The following PRKCB variants were observed in gnomAD, a reference collection of about 807,000 sequenced individuals.
The protein encoded by PRKCB is protein kinase C beta.
A neutral mutation model predicts 81.5 loss-of-function variants in PRKCB; 13 were observed. The observed-to-expected ratio is 0.16, with a 90% CI of 0.10 to 0.25. The LOEUF is 0.25. PRKCB is among the 10% of genes least tolerant of loss of function. The pLI is 1.00. For missense variants in PRKCB, 509 were observed against 875.7 expected (o/e 0.58, Z 5.29); for synonymous variants, 335 against 321.4 (o/e 1.04, Z -0.45).
chr16:24,068,101 G>A (rs1004526257), intron 5 of PRKCB, among the ~76,000 whole-genome samples: 4 of 152,132 alleles, frequency 2.6e-5, no homozygotes, highest in East Asian at 1.9e-4. Context: ...CTCCTATGGT[G>A]TAGAGGTTTC....
chr16:24,116,433 A>G (rs1245566712), intron 8 of PRKCB, among the ~76,000 whole-genome samples: 1 of 152,124 alleles, frequency 6.6e-6, no homozygotes, highest in Admixed American at 6.5e-5. Flanking sequence ...AAAAAGAAAT[A>G]GCACTTACGT....
intron 2 of PRKCB, among the ~76,000 whole-genome samples, chr16:23,984,619 A>AACGAGAGACT (rs1964777890): frequency 6.6e-6 from 1 of 152,238 alleles, no homozygotes; most frequent in Admixed American, 6.5e-5. Context: ...GAAAAAAAAT[A>AACGAGAGACT]ACGAGAGACT....
intron 2 of PRKCB, among the ~76,000 whole-genome samples, chr16:23,941,433 A>C (rs1964139525): frequency 6.6e-6 from 1 of 152,202 alleles, no homozygotes; most frequent in South Asian, 2.1e-4. Flanking sequence ...ACATACACAA[A>C]AATCTAACAA....
rs1445657923 is a variant in PRKCB, at chr16:23,900,267, G to A, written c.205+62861G>A. 2.0e-5 allele frequency among the ~76,000 whole-genome samples: 3 copies of A among 152,166 alleles called. No individual in the cohort carries two copies. The South Asian group carries it at 6.2e-4, about 32-fold the overall frequency. On this transcript the variant is annotated intron_variant, in intron 2 of 16. Coordinates refer to ENST00000643927, the MANE Select transcript of PRKCB (RefSeq NM_002738.7). The stretch of plus-strand genomic sequence containing the variant: ...TGACATACCACTTCCATAAAGCCGA[G>A]AGATATCAATTCTTATGCAGTTATC...
At chr16:23,975,001 C>T (rs1964606262) in intron 2 of PRKCB, among the ~76,000 whole-genome samples, 1 of 152,146 alleles carries the variant, frequency 6.6e-6, no homozygotes, top group Non-Finnish European at 1.5e-5. Context: ...CGATTGACAG[C>T]CCCACCAGGA....
At chr16:24,142,083 G>A (rs141713035) in intron 9 of PRKCB, among the ~76,000 whole-genome samples, 72 of 152,200 alleles carry the variant, frequency 4.7e-4, no homozygotes, top group African/African-American at 1.7e-3. Flanking sequence ...AACCTTCTGA[G>A]GGAGAAACTG....
At chr16:23,841,910 C>T (rs1291609303) in intron 2 of PRKCB, among the ~76,000 whole-genome samples, 1 of 151,998 alleles carries the variant, frequency 6.6e-6, no homozygotes, top group East Asian at 1.9e-4. Context: ...CCCGCCTTAG[C>T]TTCCCAAAGT....
chr16:23,902,499 T>A (rs1963488790), intron 2 of PRKCB, among the ~76,000 whole-genome samples: 1 of 152,146 alleles, frequency 6.6e-6, no homozygotes. Context: ...AGTTGTTTAT[T>A]TGACCCTTTC....
chr16:23,841,649 C>CTTTTTTTT lies in PRKCB; in HGVS notation c.205+4260_205+4267dup, dbSNP rs59288831. 3.6e-4 allele frequency among the ~76,000 whole-genome samples: 21 copies of CTTTTTTTT among 59,040 alleles called. 1 individual carries two copies. The highest frequency in any genetic ancestry group is 5.1e-4 in the African/African-American group (7 of 13,662). 38.7% of individuals were successfully genotyped at this position (59,040 alleles called of 152,430 possible). A position where few individuals can be genotyped will look rare whatever the true frequency, so the allele number is the denominator to read the frequency against. ...ACTGCAGGTGTGTGTCACCACGGCC[C>CTTTTTTTT]TTTTTTTTTTTTTTTTTTTTTTTTG... On this transcript the variant is annotated intron_variant, in intron 2 of 16. Transcript: ENST00000643927.
chr16:23,969,799 T>G (rs1030316627), intron 2 of PRKCB, among the ~76,000 whole-genome samples: 9 of 152,200 alleles, frequency 5.9e-5, no homozygotes, highest in Non-Finnish European at 1.3e-4. Context: ...TCTCGGGAAC[T>G]TCATTGATCA....
intron 12 of PRKCB, 96 bp from the exon 13 acceptor site, chr16:24,180,694 C>T: frequency 6.9e-7 from 1 of 1,442,130 alleles, no homozygotes; most frequent in Non-Finnish European, 9.6e-7. Flanking sequence ...GCCCACACAA[C>T]ACCTAACACA....
At chr16:24,050,118 ACAGG>A (rs1308742408) in intron 5 of PRKCB, among the ~76,000 whole-genome samples, 1 of 152,202 alleles carries the variant, frequency 6.6e-6, no homozygotes, top group Non-Finnish European at 1.5e-5. Context: ...GTAACTCAGT[ACAGG>A]TATGTTGACA....
chr16:23,900,302 A>C (rs999329966), intron 2 of PRKCB, among the ~76,000 whole-genome samples: 2 of 152,264 alleles, frequency 1.3e-5, no homozygotes, highest in Admixed American at 6.5e-5. Flanking sequence ...CACTGTGTAC[A>C]GGAAATTGTG....
intron 3 of PRKCB, among the ~76,000 whole-genome samples, chr16:24,025,348 CA>C (rs1199871161): frequency 1.4e-4 from 22 of 152,306 alleles, no homozygotes; most frequent in Non-Finnish European, 2.9e-5. Context: ...ATCTGTAAAA[CA>C]GGGGTAGTAA....
Position 23,908,764 on chromosome 16 carries a change from C to T in PRKCB, c.205+71358C>T, listed in dbSNP as rs144756618. Among the ~76,000 whole-genome samples the T allele has an allele frequency of 6.2e-3, 948 of 152,148 alleles. 12 individuals carry two copies. The highest frequency in any genetic ancestry group is 0.021 in the African/African-American group (863 of 41,496). ...CGATCTCCTGACCTCATGATCCAGC[C>T]GCCTCAGCCTCCCAAAGTGCTGGGA... is the stretch of plus-strand genomic sequence containing the variant. On this transcript the variant is annotated intron_variant, in intron 2 of 16. Transcript: ENST00000643927.
At chr16:24,184,665 A>T (rs1967676208) in intron 13 of PRKCB, among the ~76,000 whole-genome samples, 1 of 152,160 alleles carries the variant, frequency 6.6e-6, no homozygotes, top group African/African-American at 2.4e-5. Context: ...TTATAAAGAA[A>T]TATTAAAATA....
chr16:23,987,409 G>GT (rs1425052662), intron 2 of PRKCB, among the ~76,000 whole-genome samples: 3 of 131,926 alleles, frequency 2.3e-5, no homozygotes, highest in Non-Finnish European at 4.9e-5. Context: ...GGTGGGGGGG[G>GT]GTGTGTTTGC....
chr16:23,873,027 A>T (rs1026584281), intron 2 of PRKCB, among the ~76,000 whole-genome samples: 10 of 149,868 alleles, frequency 6.7e-5, no homozygotes, highest in Admixed American at 2.7e-4. Context: ...AAAATAAAAT[A>T]AAAAATAAAA....
chr16:23,842,450 C>T (rs999607547), intron 2 of PRKCB, among the ~76,000 whole-genome samples: 1 of 152,086 alleles, frequency 6.6e-6, no homozygotes, highest in Non-Finnish European at 1.5e-5. Flanking sequence ...AATGACTAGG[C>T]CTCTTTCATG....
Sources: allele counts gnomAD v4.1 joint callset (sites outside exome capture counted in the v4.1 genomes callset), GRCh38; gene constraint gnomAD v4.1.1; transcripts MANE v1.5; gene names NCBI Gene and HGNC (gene_info 2026-07-23, HGNC 2026-07-21).